The following LMAN2L variants were observed in gnomAD, a reference collection of about 807,000 sequenced individuals.
The protein encoded by LMAN2L is VIP36-like protein.
LMAN2L carries 30 observed loss-of-function variants against 44.3 expected under a neutral mutation model. The ratio of observed to expected loss-of-function variants is 0.68; its 90% CI spans 0.51 to 0.92. The LOEUF is 0.92. Ranked by LOEUF, LMAN2L falls within the 40% of genes least tolerant of loss-of-function variation. LMAN2L has a pLI of 0.00. For missense variants in LMAN2L, 429 were observed against 446.1 expected (o/e 0.96, Z 0.35); for synonymous variants, 183 against 171.1 (o/e 1.07, Z -0.54).
chr2:96,737,761 A>T (rs1005751442), intron 2 of LMAN2L, among the ~76,000 whole-genome samples, 188 bp downstream of exon 2: 1 of 152,248 alleles, frequency 6.6e-6, no homozygotes, highest in African/African-American at 2.4e-5. Flanking sequence ...ATAATTAAAT[A>T]GAGAGCATTT....
intron 4 of LMAN2L, among the ~76,000 whole-genome samples, chr2:96,725,723 G>A (rs915732886): frequency 2.0e-5 from 3 of 152,050 alleles, no homozygotes; most frequent in Admixed American, 6.6e-5. Context: ...GGGATTACAG[G>A]CGTAAGCCAC....
At chr2:96,730,818 A>C (rs1016543156) in intron 4 of LMAN2L, among the ~76,000 whole-genome samples, 2 of 152,044 alleles carry the variant, frequency 1.3e-5, no homozygotes, top group Non-Finnish European at 2.9e-5. Context: ...GGGACTACAG[A>C]AGCATGCCAC....
rs1190940787 is a variant in LMAN2L at position 96,728,419 on chromosome 2, T to C, written c.507+5100A>G. 2.7e-5 allele frequency among the ~76,000 whole-genome samples: 4 copies of C among 148,058 alleles called. No individual in the cohort carries two copies. In the East Asian group the frequency reaches 7.9e-4, roughly 29 times the overall value. On this transcript the variant is annotated intron_variant, in intron 4 of 7. Coordinates refer to ENST00000264963, the MANE Select transcript of LMAN2L (RefSeq NM_030805.4). ...TATTCCGGAGGCTGAGGCAGGAGAATGGCCTGAACCCAGGAGGCGGACCTT... is the reference window on the plus strand; with the variant it reads ...TATTCCGGAGGCTGAGGCAGGAGAACGGCCTGAACCCAGGAGGCGGACCTT...
chr2:96,716,540 A>G (rs1461025002), intron 4 of LMAN2L, among the ~76,000 whole-genome samples: 1 of 152,234 alleles, frequency 6.6e-6, no homozygotes, highest in African/African-American at 2.4e-5. Flanking sequence ...GAACAGAACT[A>G]AGATGTTTGC....
chr2:96,739,235 T>C (rs1444322743), intron 1 of LMAN2L, among the ~76,000 whole-genome samples: 1 of 152,246 alleles, frequency 6.6e-6, no homozygotes, highest in Non-Finnish European at 1.5e-5. Flanking sequence ...GCACTTTGAA[T>C]TGTTTTCTGT....
At chr2:96,737,005 G>A (rs917318000) in intron 2 of LMAN2L, 9 of 346,202 alleles carry the variant, frequency 2.6e-5, no homozygotes, top group Admixed American at 9.0e-5. Flanking sequence ...GAAAAGCCAC[G>A]TAAAAAAGTA....
At chr2:96,715,998 G>A (rs1310623829) in intron 4 of LMAN2L, among the ~76,000 whole-genome samples, 4 of 152,166 alleles carry the variant, frequency 2.6e-5, no homozygotes, top group Non-Finnish European at 4.4e-5. Flanking sequence ...GTTCAGGAGG[G>A]AGTCAATAAA....
At chr2:96,718,547 A>G (rs1036738957) in intron 4 of LMAN2L, among the ~76,000 whole-genome samples, 9 of 152,192 alleles carry the variant, frequency 5.9e-5, no homozygotes, top group African/African-American at 2.2e-4. Flanking sequence ...CTAAATGTGA[A>G]GCATCTCCCA....
chr2:96,707,909 C>G, intron 6 of LMAN2L, 76 bp from the exon 7 acceptor site: 1 of 1,484,038 alleles, frequency 6.7e-7, no homozygotes, highest in Non-Finnish European at 9.3e-7. Flanking sequence ...TATCTTAGTT[C>G]AAGCCTCTGA....
rs2077784501 is a variant in LMAN2L at position 96,706,531 on chromosome 2, C to G, written c.*725G>C. On this transcript the variant is annotated 3_prime_UTR_variant, in exon 8 of 8. Transcript: ENST00000264963. ...AAACTTCACTGAGGGCCTGAAGAGA[C>G]TTGATTGGGAAGGCCATGGACATGC... 1.3e-5 allele frequency: 2 copies of G among 152,238 alleles called. No individual in the cohort carries two copies. Among genetic ancestry groups the G allele is most frequent in the Admixed American group, 6.5e-5 (1 of 15,286 alleles). 9.4% of individuals were successfully genotyped at this position (152,238 alleles called of 1,614,324 possible).
intron 4 of LMAN2L, among the ~76,000 whole-genome samples, chr2:96,731,120 T>C (rs950148741): frequency 3.3e-5 from 5 of 152,190 alleles, no homozygotes; most frequent in Non-Finnish European, 7.3e-5. Flanking sequence ...CACTTCAGGT[T>C]AGAAGCTCCT....
intron 6 of LMAN2L, among the ~76,000 whole-genome samples, chr2:96,708,273 G>A (rs1201152035): frequency 1.3e-5 from 2 of 152,250 alleles, no homozygotes; most frequent in Non-Finnish European, 2.9e-5. Context: ...TAAACAACCA[G>A]TACTGCATCG....
intron 3 of LMAN2L, among the ~76,000 whole-genome samples, chr2:96,734,016 G>C (rs2078460471): frequency 6.6e-6 from 1 of 152,174 alleles, no homozygotes; most frequent in African/African-American, 2.4e-5. Context: ...CATCTACATG[G>C]AGCAATAATA....
At chr2:96,725,022 G>A (rs979636726) in intron 4 of LMAN2L, among the ~76,000 whole-genome samples, 16 of 152,020 alleles carry the variant, frequency 1.1e-4, no homozygotes, top group South Asian at 4.2e-4. Flanking sequence ...TAGTAGAGAC[G>A]GGGTTTCACC....
At chr2:96,719,790 C>T (rs2078113484) in intron 4 of LMAN2L, among the ~76,000 whole-genome samples, 1 of 152,142 alleles carries the variant, frequency 6.6e-6, no homozygotes, top group Admixed American at 6.5e-5. Flanking sequence ...GACAGGGTTT[C>T]ACCATGTTGG....
At chr2:96,714,423 C>CT (rs1160076853) in intron 4 of LMAN2L, among the ~76,000 whole-genome samples, 1 of 152,252 alleles carries the variant, frequency 6.6e-6, no homozygotes, top group Non-Finnish European at 1.5e-5. Context: ...CTTAACACCA[C>CT]TGGCAGAATT....
intron 6 of LMAN2L, among the ~76,000 whole-genome samples, chr2:96,710,383 A>G (rs1159965159): frequency 6.6e-6 from 1 of 152,186 alleles, no homozygotes; most frequent in Admixed American, 6.5e-5. Context: ...AATCCAGATT[A>G]TCCAGGCTGG....
At chr2:96,713,780 A>T (rs1031160748) in intron 4 of LMAN2L, among the ~76,000 whole-genome samples, 8 of 152,240 alleles carry the variant, frequency 5.3e-5, no homozygotes, top group African/African-American at 1.9e-4. Flanking sequence ...TACCACACAT[A>T]GGCAAGGAAG....
intron 4 of LMAN2L, among the ~76,000 whole-genome samples, chr2:96,725,856 C>T (rs1299698012): frequency 6.6e-6 from 1 of 151,972 alleles, no homozygotes; most frequent in East Asian, 1.9e-4. Context: ...CCTGATTTGC[C>T]AGGCGCGGTA....
Sources: gnomAD v4.1 joint callset for allele counts (sites outside exome capture counted in the v4.1 genomes callset) on GRCh38, gnomAD v4.1.1 for gene constraint, MANE v1.5 for transcripts, NCBI Gene and HGNC (gene_info 2026-07-23, HGNC 2026-07-21) for gene names.